Variants in ACSM1 observed in about 807,000 individuals in gnomAD.
ACSM1 encodes the protein acyl-CoA synthetase medium chain family member 1.
In ACSM1, 79 loss-of-function variants were observed where a neutral mutation model predicts 75.8. The observed-to-expected ratio is 1.04, with a 90% CI of 0.87 to 1.26. ACSM1 has a LOEUF of 1.26. Among genes scored for constraint, ACSM1 ranks in the 50% most tolerant of loss-of-function variants. The probability of loss-of-function intolerance (pLI) is 0.00; values close to 1 mark genes in which losing one functional copy is unlikely to be tolerated. For missense variants in ACSM1, 676 were observed against 720.1 expected (o/e 0.94, Z 0.70); for synonymous variants, 279 against 265.8 (o/e 1.05, Z -0.48).
chr16:20,682,705 C>T (rs2079472488), intron 3 of ACSM1, among the ~76,000 whole-genome samples: 1 of 152,160 alleles, frequency 6.6e-6, no homozygotes, highest in African/African-American at 2.4e-5. Context: ...GTAAGCCCTG[C>T]CCTAATCTTT....
chr16:20,655,304 G>A (rs948910556), intron 7 of ACSM1, among the ~76,000 whole-genome samples: 58 of 150,916 alleles, frequency 3.8e-4, no homozygotes, highest in African/African-American at 1.3e-3. Flanking sequence ...TGTAGATGAC[G>A]AGTTAATGGG....
chr16:20,634,059 C>A (rs1444332162), intron 10 of ACSM1, among the ~76,000 whole-genome samples: 1 of 152,108 alleles, frequency 6.6e-6, no homozygotes, highest in Non-Finnish European at 1.5e-5. Flanking sequence ...AATAGAGAGT[C>A]CTGGAAGAAA....
intron 10 of ACSM1, among the ~76,000 whole-genome samples, chr16:20,635,101 C>CA (rs5816130): frequency 0.12 from 18,778 of 151,090 alleles, 1,625 homozygotes; most frequent in East Asian, 0.5. Context: ...CATGCTCAAT[C>CA]AAAAAAAAAT....
chr16:20,667,586 A>C (rs2019643650), intron 6 of ACSM1, among the ~76,000 whole-genome samples: 1 of 152,184 alleles, frequency 6.6e-6, no homozygotes, highest in South Asian at 2.1e-4. Context: ...CACTGTGGAA[A>C]GCAATTTGAA....
chr16:20,689,087 T>G (rs2079606425), intron 2 of ACSM1, among the ~76,000 whole-genome samples: 1 of 150,498 alleles, frequency 6.6e-6, no homozygotes, highest in South Asian at 2.1e-4. Context: ...ATTGATGACA[T>G]CAATAACATA....
intron 6 of ACSM1, among the ~76,000 whole-genome samples, chr16:20,664,081 G>A (rs576737176): frequency 6.6e-6 from 1 of 152,226 alleles, no homozygotes; most frequent in South Asian, 2.1e-4. Context: ...GATTTGGCAA[G>A]GACTAAGTTG....
intron 7 of ACSM1, among the ~76,000 whole-genome samples, chr16:20,660,579 T>C (rs1349510780): frequency 6.6e-6 from 1 of 152,184 alleles, no homozygotes; most frequent in Admixed American, 6.5e-5. Flanking sequence ...TGAGGAATGT[T>C]CCAAAACTTG....
intron 7 of ACSM1, among the ~76,000 whole-genome samples, chr16:20,641,560 A>C (rs1417777200): frequency 6.6e-6 from 1 of 152,188 alleles, no homozygotes; most frequent in East Asian, 1.9e-4. Flanking sequence ...CATGCACCTG[A>C]TCTTTTGACC....
chr16:20,676,218 T>C (rs2020268282), intron 4 of ACSM1: 1 of 152,216 alleles, frequency 6.6e-6, no homozygotes, highest in South Asian at 2.1e-4. Context: ...CAAGTTATGC[T>C]TATGCCTCTT....
intron 4 of ACSM1, among the ~76,000 whole-genome samples, chr16:20,672,471 A>ATTATATATAT (rs1491358149): frequency 1.5e-5 from 1 of 64,562 alleles, no homozygotes; most frequent in Non-Finnish European, 2.6e-5. Context: ...AAAAAAAAAA[A>ATTATATATAT]ATATATATAT....
At chr16:20,637,493 C>A in intron 8 of ACSM1, 42 bp from the exon 9 acceptor site, 1 of 1,516,520 alleles carries the variant, frequency 6.6e-7, no homozygotes, top group Non-Finnish European at 9.2e-7. Context: ...TCAGAGAGGC[C>A]AGGCTGATCA....
At chr16:20,672,497 A>ATATATATATATATAT (rs1274005290) in intron 4 of ACSM1, among the ~76,000 whole-genome samples, 8 of 112,766 alleles carry the variant, frequency 7.1e-5, no homozygotes, top group Non-Finnish European at 1.2e-4. Flanking sequence ...TATATATATA[A>ATATATATATATATAT]AAAACATATT....
At position 20,669,513 on chromosome 16, in the gene ACSM1, G is replaced by T. The variant is rs527401090; in HGVS notation, c.912+314C>A. On this transcript the variant is annotated intron_variant, in intron 6 of 13. Transcript: ENST00000520010. ...GCTGCTTGGCCCTGGCAGCATCAGG[G>T]TCCAGGATCTGGGAGACTTGGACTT... 1.2e-4 allele frequency among the ~76,000 whole-genome samples: 18 copies of T among 151,448 alleles called. No homozygotes were observed. In the East Asian group the frequency reaches 3.3e-3, roughly 28 times the overall value.
At chr16:20,640,731 A>G in intron 7 of ACSM1, 147 bp from the exon 8 acceptor site, 1 of 1,370,228 alleles carries the variant, frequency 7.3e-7, no homozygotes, top group South Asian at 1.5e-5. Flanking sequence ...GGCCATGGCC[A>G]AGTGGATGTC....
At chr16:20,665,345 A>T (rs540890681) in intron 6 of ACSM1, among the ~76,000 whole-genome samples, 3 of 152,198 alleles carry the variant, frequency 2.0e-5, no homozygotes, top group Non-Finnish European at 4.4e-5. Flanking sequence ...AATATAAAAG[A>T]TTCTCAGAGA....
In ACSM1 at chr16:20,623,295, T is replaced by C. The variant is rs975810713; in HGVS notation, c.*191A>G. ...GTGCTCACCTGGGAAATTCTAAAGA[T>C]ACAGAGGACTTGGAGGAAGCAGAGC... On this transcript the variant is annotated 3_prime_UTR_variant, in exon 14 of 14. Coordinates refer to ENST00000520010, the MANE Select transcript of ACSM1 (RefSeq NM_001318890.3). 4 of 570,718 alleles carry C rather than the reference T, an allele frequency of 7.0e-6. No homozygotes were observed. Among genetic ancestry groups the C allele is most frequent in the Admixed American group, 3.1e-5 (1 of 32,376 alleles). The allele number at this position is 570,718 out of a possible 1,614,324, so 35.4% of individuals were successfully genotyped here. A position where few individuals can be genotyped will look rare whatever the true frequency, so the allele number is the denominator to read the frequency against.
intron 3 of ACSM1, among the ~76,000 whole-genome samples, chr16:20,683,523 T>C (rs1405908997): frequency 2.0e-5 from 3 of 152,106 alleles, no homozygotes; most frequent in African/African-American, 7.2e-5. Flanking sequence ...TTTCTTTCCA[T>C]CTTTCTCCCC....
chr16:20,631,819 G>A (rs1447302256), intron 10 of ACSM1, among the ~76,000 whole-genome samples: 9 of 152,144 alleles, frequency 5.9e-5, no homozygotes, highest in African/African-American at 9.7e-5. Flanking sequence ...AAGCTATGAA[G>A]GCACAAAGGC....
intron 7 of ACSM1, among the ~76,000 whole-genome samples, chr16:20,641,634 C>T (rs1288663100): frequency 1.3e-5 from 2 of 152,230 alleles, no homozygotes; most frequent in African/African-American, 2.4e-5. Context: ...TCCCAGGGCT[C>T]GGGGCCTTCA....
Sources: gnomAD v4.1 joint callset for allele counts (sites outside exome capture counted in the v4.1 genomes callset) on GRCh38, gnomAD v4.1.1 for gene constraint, MANE v1.5 for transcripts, NCBI Gene and HGNC (gene_info 2026-07-23, HGNC 2026-07-21) for gene names.